AKT3: variants seen among roughly 807,000 people sequenced by gnomAD.
AKT3 encodes RAC-gamma serine/threonine-protein kinase.
Under a neutral mutation model 65.3 loss-of-function variants are expected in AKT3, and 15 were observed. The ratio of observed to expected loss-of-function variants is 0.23; its 90% CI spans 0.15 to 0.35. AKT3 has a LOEUF of 0.35. Among genes scored for constraint, AKT3 ranks in the 10% least tolerant of loss-of-function variants. AKT3 has a pLI of 1.00. For missense variants in AKT3, 243 were observed against 576.5 expected, an observed-to-expected ratio of 0.42 and a Z score of 5.92; for synonymous variants, 206 against 183.8, an observed-to-expected ratio of 1.12 and a Z score of -0.98.
chr1:243,827,508 A>C (rs1694244553), intron 2 of AKT3, among the ~76,000 whole-genome samples: 1 of 152,098 alleles, frequency 6.6e-6, no homozygotes, highest in South Asian at 2.1e-4. Flanking sequence ...AAAAAAATAC[A>C]CTTAAGCCTC....
intron 4 of AKT3, among the ~76,000 whole-genome samples, chr1:243,653,158 G>A (rs1681506543): frequency 6.6e-6 from 1 of 152,060 alleles, no homozygotes. Flanking sequence ...AAATGATAAA[G>A]GGGATATCAC....
chr1:243,648,240 A>G (rs1680993783), intron 4 of AKT3, among the ~76,000 whole-genome samples: 1 of 151,812 alleles, frequency 6.6e-6, no homozygotes, highest in East Asian at 1.9e-4. Flanking sequence ...TGAGGGTGAC[A>G]GAGCAAGACT....
chr1:243,654,421 T>C (rs114590673), intron 4 of AKT3, among the ~76,000 whole-genome samples: 2 of 152,216 alleles, frequency 1.3e-5, no homozygotes, highest in African/African-American at 2.4e-5. Context: ...ATTATTCTTA[T>C]TGTGTCCAAA....
At chr1:243,545,767 T>C in intron 11 of AKT3, 170 bp from the exon 12 acceptor site, 1 of 572,744 alleles carries the variant, frequency 1.7e-6, no homozygotes, top group Non-Finnish European at 3.1e-6. Flanking sequence ...CCTAATATGC[T>C]TGTAAGAACT....
chr1:243,594,505 C>T (rs1415547303), intron 8 of AKT3, among the ~76,000 whole-genome samples: 1 of 152,150 alleles, frequency 6.6e-6, no homozygotes, highest in East Asian at 1.9e-4. Context: ...TAGCGTGGTA[C>T]TGATGTAAAG....
rs527921738 is a variant in AKT3 at position 243,576,779 on chromosome 1, T to C, written c.697-3731A>G. On this transcript the variant is annotated intron_variant, in intron 8 of 13. Transcript: ENST00000673466. The stretch of plus-strand genomic sequence containing the variant: ...GGCTAATGAATATGAAGAATCAATA[T>C]TGGGAAAATGGCCATACTGGCCAAA... 1.4e-4 allele frequency among the ~76,000 whole-genome samples: 21 copies of C among 152,172 alleles called. No individual in the cohort carries two copies. The South Asian group carries it at 3.7e-3, about 27-fold the overall frequency.
intron 2 of AKT3, chr1:243,794,515 G>C (rs958581892): frequency 6.6e-6 from 1 of 152,120 alleles, no homozygotes; most frequent in Admixed American, 6.6e-5. Flanking sequence ...ACAAAATTTG[G>C]AACATATTCT....
chr1:243,566,543 G>A (rs1343589931), intron 9 of AKT3, among the ~76,000 whole-genome samples: 3 of 152,188 alleles, frequency 2.0e-5, no homozygotes, highest in Non-Finnish European at 4.4e-5. Flanking sequence ...CATGGCCATG[G>A]GGACTGGTAG....
In AKT3 at chr1:243,499,999, G is replaced by C; in HGVS notation, c.*5250C>G. 1 of 595,580 alleles carries C rather than the reference G, an allele frequency of 1.7e-6. No homozygotes were observed. The allele number at this position is 595,580 out of a possible 1,614,324, so 36.9% of individuals were successfully genotyped here. On this transcript the variant is annotated 3_prime_UTR_variant, in exon 14 of 14. Transcript: ENST00000673466. ...TAGCTGAGCAGAGCTCCTGGTGTAT[G>C]TTTTCAGAAATGGCTTGAAGTTATG...
intron 2 of AKT3, among the ~76,000 whole-genome samples, chr1:243,807,250 G>T (rs997562216): frequency 5.3e-5 from 8 of 152,202 alleles, no homozygotes. Flanking sequence ...CCTCACCCGG[G>T]AAGCACAAGG....
intron 1 of AKT3, 60 bp from the exon 2 acceptor site, chr1:243,843,342 A>G: frequency 7.5e-7 from 1 of 1,336,866 alleles, no homozygotes; most frequent in Non-Finnish European, 9.6e-7. Context: ...CAGAGCAATA[A>G]CAAACAACTA....
chr1:243,801,575 C>A (rs1206876303), intron 2 of AKT3, among the ~76,000 whole-genome samples: 5 of 152,112 alleles, frequency 3.3e-5, no homozygotes. Context: ...TCCCTAGAGG[C>A]CAATCAGCCA....
intron 2 of AKT3, among the ~76,000 whole-genome samples, chr1:243,762,329 C>T (rs1489299895): frequency 6.6e-6 from 1 of 151,944 alleles, no homozygotes; most frequent in African/African-American, 2.4e-5. Flanking sequence ...CTTTGAAACT[C>T]CTTTGTAATA....
intron 2 of AKT3, among the ~76,000 whole-genome samples, chr1:243,815,366 A>C (rs1166207362): frequency 6.6e-6 from 1 of 152,134 alleles, no homozygotes; most frequent in Non-Finnish European, 1.5e-5. Flanking sequence ...TTCTGCCACC[A>C]CAGAACAAGG....
chr1:243,808,869 CCAATA>C (rs1362237491), intron 2 of AKT3, among the ~76,000 whole-genome samples: 1 of 152,090 alleles, frequency 6.6e-6, no homozygotes, highest in Non-Finnish European at 1.5e-5. Flanking sequence ...AGTGTGGGGG[CCAATA>C]TTCAACATAC....
chr1:243,843,656 G>GTT (rs113990784), intron 1 of AKT3: 4,842 of 615,340 alleles, frequency 7.9e-3, no homozygotes, highest in Middle Eastern at 0.011. Flanking sequence ...TAAATTTTTT[G>GTT]TTTTTTTTTT....
chr1:243,585,003 A>C (rs1443788294), intron 8 of AKT3, among the ~76,000 whole-genome samples: 3 of 152,182 alleles, frequency 2.0e-5, no homozygotes, highest in Non-Finnish European at 2.9e-5. Flanking sequence ...AGGAAACCCT[A>C]AGGGCTCCAC....
intron 2 of AKT3, among the ~76,000 whole-genome samples, chr1:243,777,156 G>A (rs941857400): frequency 6.6e-6 from 1 of 152,162 alleles, no homozygotes; most frequent in East Asian, 1.9e-4. Context: ...GGGGGGAGAC[G>A]GGGGCGGTGG....
At chr1:243,635,826 G>A (rs1405490269) in intron 6 of AKT3, among the ~76,000 whole-genome samples, 1 of 151,832 alleles carries the variant, frequency 6.6e-6, no homozygotes, top group Non-Finnish European at 1.5e-5. Context: ...CTCTGAGAAG[G>A]GCACAGCAGG....
Sources: allele counts gnomAD v4.1 joint callset (sites outside exome capture counted in the v4.1 genomes callset), GRCh38; gene constraint gnomAD v4.1.1; transcripts MANE v1.5; gene names NCBI Gene and HGNC (gene_info 2026-07-23, HGNC 2026-07-21).